The following DNAH8 variants were observed in gnomAD, a reference collection of about 807,000 sequenced individuals.
The protein encoded by DNAH8 is axonemal beta dynein heavy chain 8.
A neutral mutation model predicts 562.1 loss-of-function variants in DNAH8; 382 were observed. That is an observed-to-expected ratio of 0.68 (90% CI 0.63 to 0.74). The LOEUF (loss-of-function observed/expected upper bound fraction) is 0.74, where lower values mean the gene tolerates loss of function less well. DNAH8 is among the 30% of genes least tolerant of loss of function. The probability of loss-of-function intolerance (pLI) is 0.00; values close to 1 mark genes in which losing one functional copy is unlikely to be tolerated. For missense variants in DNAH8, 5,203 were observed against 5,620.4 expected (o/e 0.93, Z 2.37); for synonymous variants, 1,881 against 1,919.4 (o/e 0.98, Z 0.52).
intron 21 of DNAH8, among the ~76,000 whole-genome samples, chr6:38,797,463 A>G (rs1770372150): frequency 6.6e-6 from 1 of 152,108 alleles, no homozygotes; most frequent in African/African-American, 2.4e-5. Flanking sequence ...AAAGCTATAA[A>G]CAGTGAAAAT....
At chr6:38,902,481 C>T (rs1780142670) in intron 62 of DNAH8, among the ~76,000 whole-genome samples, 1 of 152,192 alleles carries the variant, frequency 6.6e-6, no homozygotes, top group Non-Finnish European at 1.5e-5. Flanking sequence ...TTCTGCTTAC[C>T]TGCCTTGCCT....
intron 66 of DNAH8, among the ~76,000 whole-genome samples, chr6:38,911,913 G>T (rs1033171901): frequency 5.9e-5 from 9 of 151,954 alleles, no homozygotes; most frequent in Admixed American, 2.0e-4. Context: ...TCAGTTTTTG[G>T]TTTCATTTTG....
intron 32 of DNAH8, among the ~76,000 whole-genome samples, chr6:38,837,021 A>G (rs903600032): frequency 2.0e-5 from 3 of 152,136 alleles, no homozygotes; most frequent in Admixed American, 2.0e-4. Context: ...ACATAGTCCC[A>G]CTCTTCATAG....
At chr6:38,756,989 A>G (rs1205416817) in intron 10 of DNAH8, among the ~76,000 whole-genome samples, 8 of 152,082 alleles carry the variant, frequency 5.3e-5, no homozygotes, top group African/African-American at 1.9e-4. Context: ...ATACGTGTGC[A>G]TGTGTCTTTA....
chr6:38,855,360 G>A (rs575999976), intron 41 of DNAH8, among the ~76,000 whole-genome samples: 11 of 151,976 alleles, frequency 7.2e-5, no homozygotes, highest in Admixed American at 1.3e-4. Flanking sequence ...CGTGTATTCC[G>A]AAACTTAAAT....
chr6:38,811,760 C>T (rs1479119214), intron 24 of DNAH8, among the ~76,000 whole-genome samples: 1 of 152,162 alleles, frequency 6.6e-6, no homozygotes, highest in Non-Finnish European at 1.5e-5. Context: ...TGTGCAGGCT[C>T]TCTTTGAGCG....
chr6:38,774,643 C>G (rs767373490), intron 12 of DNAH8, among the ~76,000 whole-genome samples: 5 of 152,154 alleles, frequency 3.3e-5, no homozygotes, highest in Admixed American at 6.5e-5. Context: ...GAATTTTGTC[C>G]TAGTCTCTGG....
rs1422934906 is a variant in DNAH8, at chr6:38,874,094, TTC to T, written c.7620+722_7620+723del. 2.3e-3 allele frequency among the ~76,000 whole-genome samples: 278 copies of T among 122,620 alleles called. 24 individuals are homozygous for T. The highest frequency in any genetic ancestry group is 6.5e-3 in the African/African-American group (206 of 31,912). The allele number at this position is 122,620 out of a possible 152,430, so 80.4% of individuals were successfully genotyped here. On this transcript the variant is annotated intron_variant, in intron 52 of 92. Coordinates refer to ENST00000327475, the MANE Select transcript of DNAH8 (RefSeq NM_001206927.2). Reference sequence around the variant, plus strand: ...TTTCTTTCTTTCTTTCTTTCTTTCTTTCTCTTTCTCCTTCCTTCCTTCCTCCT... The same window carrying T: ...TTTCTTTCTTTCTTTCTTTCTTTCTTTCTTTCTCCTTCCTTCCTTCCTCCT...
At chr6:38,769,356 C>T (rs544378586) in intron 11 of DNAH8, among the ~76,000 whole-genome samples, 2 of 152,288 alleles carry the variant, frequency 1.3e-5, no homozygotes, top group African/African-American at 2.4e-5. Context: ...TCTTCTAATG[C>T]TATCCCTCCC....
At chr6:38,881,573 G>A (rs527494780) in intron 53 of DNAH8, among the ~76,000 whole-genome samples, 152 of 137,896 alleles carry the variant, frequency 1.1e-3, no homozygotes, top group Non-Finnish European at 1.9e-3. Context: ...TTTTTGAGAC[G>A]GAGTTTCGCT....
chr6:38,856,932 T>C (rs1361150772), intron 41 of DNAH8, among the ~76,000 whole-genome samples: 1 of 151,994 alleles, frequency 6.6e-6, no homozygotes, highest in East Asian at 1.9e-4. Context: ...GGGCAGAAAT[T>C]GTAGGTTAAG....
rs752885780 is a variant in DNAH8, at chr6:38,853,242, A to G, written c.5628A>G (p.Leu1876=). ...TGGAGATTTGGCTACTGGATTTGTT[A>G]AAAATGCAGATGTCATCATTACATA... ...GPVEIWLLDL[L]KMQMSSLHNI... Residue 1876 remains leucine (L), a synonymous_variant, in exon 41 of 93, where the codon TTA becomes TTG. Transcript: ENST00000327475. 4 of 1,613,380 alleles carry G rather than the reference A, an allele frequency of 2.5e-6. No individual in the cohort carries two copies. Among genetic ancestry groups the G allele is most frequent in the Non-Finnish European group, 3.4e-6 (4 of 1,179,688 alleles).
At chr6:38,998,934 T>C (rs997014922) in intron 88 of DNAH8, among the ~76,000 whole-genome samples, 2 of 152,236 alleles carry the variant, frequency 1.3e-5, no homozygotes, top group Non-Finnish European at 2.9e-5. Flanking sequence ...TTCTCTGTTA[T>C]AGCTAGCTAA....
At chr6:38,951,044 G>T (rs1761868637) in intron 81 of DNAH8, among the ~76,000 whole-genome samples, 2 of 152,106 alleles carry the variant, frequency 1.3e-5, no homozygotes, top group Admixed American at 6.5e-5. Flanking sequence ...TGTGTGGCAG[G>T]TCAGCCCCTA....
At chr6:38,958,414 G>GAAA (rs35615279) in intron 82 of DNAH8, among the ~76,000 whole-genome samples, 32,534 of 130,402 alleles carry the variant, frequency 0.25, 4,685 homozygotes, top group Non-Finnish European at 0.34. Flanking sequence ...GATATGACTG[G>GAAA]AAAAAAAAAA....
At chr6:38,789,441 A>C (rs1329088307) in intron 18 of DNAH8, among the ~76,000 whole-genome samples, 1 of 152,246 alleles carries the variant, frequency 6.6e-6, no homozygotes, top group African/African-American at 2.4e-5. Flanking sequence ...CAAGTGTGGC[A>C]TCAGTGATAA....
intron 31 of DNAH8, among the ~76,000 whole-genome samples, chr6:38,834,035 G>A (rs1408701239): frequency 6.6e-6 from 1 of 152,134 alleles, no homozygotes; most frequent in East Asian, 1.9e-4. Flanking sequence ...CTGGTTCATA[G>A]CCACCAGACA....
In DNAH8 at chr6:38,993,019, CTG is replaced by C. The variant is rs1249321285; in HGVS notation, c.13214+2857_13214+2858del. Among the ~76,000 whole-genome samples, 7 of 152,078 alleles carry C rather than the reference CTG, an allele frequency of 4.6e-5. No homozygotes were observed. In the East Asian group the frequency reaches 1.4e-3, roughly 29 times the overall value. On this transcript the variant is annotated intron_variant, in intron 88 of 92. Transcript: ENST00000327475. ...TCTATGTATAATCACATATATTTCT[CTG>C]TGTGTGTGTTTGTGTGCCCTCTCAG...
chr6:38,761,636 G>T lies in DNAH8; in HGVS notation c.1516-66G>T, dbSNP rs529295761. Reference sequence around the variant, plus strand: ...TATCATATTTTTATGCTTGTGGTTTGAAATTTATATATAAATGTTATTTCT... The same window carrying T: ...TATCATATTTTTATGCTTGTGGTTTTAAATTTATATATAAATGTTATTTCT... On this transcript the variant is annotated intron_variant, in intron 10 of 92. Transcript: ENST00000327475. 8.3e-6 allele frequency: 8 copies of T among 967,856 alleles called. No individual in the cohort carries two copies. In the Admixed American group the frequency reaches 1.5e-4, roughly 18 times the overall value. The allele number at this position is 967,856 out of a possible 1,614,324, so 60.0% of individuals were successfully genotyped here. A position where few individuals can be genotyped will look rare whatever the true frequency, so the allele number is the denominator to read the frequency against.
Sources: gnomAD v4.1 joint callset for allele counts (sites outside exome capture counted in the v4.1 genomes callset) on GRCh38, gnomAD v4.1.1 for gene constraint, MANE v1.5 for transcripts, NCBI Gene and HGNC (gene_info 2026-07-23, HGNC 2026-07-21) for gene names.